HAPLN2: variants seen among roughly 807,000 people sequenced by gnomAD.
HAPLN2 encodes the protein hyaluronan and proteoglycan link protein 2.
A neutral mutation model predicts 29.3 loss-of-function variants in HAPLN2; 27 were observed. That is an observed-to-expected ratio of 0.92 (90% CI 0.68 to 1.27). The LOEUF is 1.27. HAPLN2 is among the 50% of genes most tolerant of loss of function. The pLI is 0.00. For synonymous variants in HAPLN2, 208 were observed against 211.7 expected (o/e 0.98, Z 0.15); for missense variants, 454 against 484.3 (o/e 0.94, Z 0.59).
At chr1:156,609,201 C>A in the HAPLN2 span, among the ~76,000 whole-genome samples, 1 of 152,220 alleles carries the variant, frequency 6.6e-6, no homozygotes, top group African/African-American at 2.4e-5. Context: ...ATGCACAGGA[C>A]CTGAGCCAGG....
rs1003041645 is a variant in HAPLN2, at chr1:156,625,265, T to C, written c.904T>C (p.Phe302Leu). Residue 302 changes from phenylalanine to leucine, a missense_variant, in exon 7 of 7, where the codon TTC becomes CTC. By Grantham distance (22) the Phe-to-Leu change is conservative (BLOSUM62 0). Around this residue, in one of 3 missense-constraint regions of HAPLN2, gnomAD observed 235 missense variants for 236.9 expected, o/e 0.99. Coordinates refer to ENST00000255039, the MANE Select transcript of HAPLN2 (RefSeq NM_021817.3). The surrounding 1 kb of genome is among the most constrained non-coding windows in gnomAD (Gnocchi z 5.7). ...GGWLADGSVR[F>L]PITTPRPRCG... ...CTGGCTGGCTGACGGCAGTGTGCGC[T>C]TCCCAATCACCACGCCGAGGCCGCG... 1.3e-6 allele frequency: 2 copies of C among 1,576,708 alleles called. No homozygotes were observed. Among genetic ancestry groups the C allele is most frequent in the Non-Finnish European group, 1.7e-6 (2 of 1,162,316 alleles).
At chr1:156,624,874 T>C in intron 6 of HAPLN2, 91 bp downstream of exon 6, 2 of 1,380,972 alleles carry the variant, frequency 1.4e-6, no homozygotes, top group Non-Finnish European at 1.9e-6. Flanking sequence ...CAGGGCAGGG[T>C]CTCCGGGTCC....
chr1:156,606,315 C>T, the HAPLN2 span, among the ~76,000 whole-genome samples: 3 of 151,322 alleles, frequency 2.0e-5, no homozygotes, highest in South Asian at 2.1e-4. Context: ...TGGCGGCCCA[C>T]GCCCATAGTC....
chr1:156,615,565 TC>T (rs1678035559), upstream of HAPLN2, among the ~76,000 whole-genome samples: 1 of 146,726 alleles, frequency 6.8e-6, no homozygotes, highest in East Asian at 2.0e-4. Context: ...TCACTCTCTC[TC>T]TCTCTCTTTT....
At chr1:156,622,510 G>A (rs1678267374) in intron 2 of HAPLN2, among the ~76,000 whole-genome samples, 1 of 152,010 alleles carries the variant, frequency 6.6e-6, no homozygotes, top group South Asian at 2.1e-4. Context: ...GTGGCAAACT[G>A]GGGGTGGGTA....
At chr1:156,617,599 T>G (rs1678091834), upstream of HAPLN2, among the ~76,000 whole-genome samples, 1 of 151,506 alleles carries the variant, frequency 6.6e-6, no homozygotes. Flanking sequence ...TCCGCCCACT[T>G]CGGCCTCCCA....
chr1:156,624,971 T>C, intron 6 of HAPLN2, 130 bp from the exon 7 acceptor site: 1 of 1,018,882 alleles, frequency 9.8e-7, no homozygotes, highest in Non-Finnish European at 1.3e-6. Flanking sequence ...TTTGCCTCGA[T>C]CCCCCAACTC....
At chr1:156,609,732 A>C in the HAPLN2 span, among the ~76,000 whole-genome samples, 1 of 152,168 alleles carries the variant, frequency 6.6e-6, no homozygotes, top group Non-Finnish European at 1.5e-5. Context: ...GACACAAATA[A>C]AGGAACAATA....
At position 156,625,366 on chromosome 1, in the gene HAPLN2, C is replaced by T. The variant is rs777700715; in HGVS notation, c.1005C>T (p.Tyr335=). ...PRPQQAAYGT[Y]CYAEN is the part of the protein sequence containing the mutation. ...CCCAACAGGCAGCCTATGGGACCTA[C>T]TGCTACGCCGAGAATTAGGCGCCCA... Residue 335 remains tyrosine, a synonymous_variant, in exon 7 of 7, where the codon TAC becomes TAT. Transcript: ENST00000255039. This position sits in a 1 kb window ranked among gnomAD's most constrained non-coding sequence, Gnocchi z 5.7. 8 of 1,595,196 alleles carry T rather than the reference C, an allele frequency of 5.0e-6. No homozygotes were observed. The African/African-American group carries it at 8.1e-5, about 16-fold the overall frequency.
chr1:156,602,909 C>T, the HAPLN2 span, among the ~76,000 whole-genome samples: 3 of 152,096 alleles, frequency 2.0e-5, no homozygotes, highest in African/African-American at 7.2e-5. Context: ...GTTGACTTAG[C>T]GCCCCCTAGA....
At chr1:156,611,073 G>C in the HAPLN2 span, among the ~76,000 whole-genome samples, 1 of 152,044 alleles carries the variant, frequency 6.6e-6, no homozygotes, top group African/African-American at 2.4e-5. Context: ...CTTGAGCCTA[G>C]GAGTTTGAGA....
At chr1:156,602,549 CAAAAAAA>C in the HAPLN2 span, among the ~76,000 whole-genome samples, 2 of 43,786 alleles carry the variant, frequency 4.6e-5, no homozygotes, top group Non-Finnish European at 4.3e-5. Flanking sequence ...CTAAAAATAC[CAAAAAAA>C]AAAAAAAAAA....
At chr1:156,621,391 C>A (rs999407643) in intron 2 of HAPLN2, among the ~76,000 whole-genome samples, 1 of 151,532 alleles carries the variant, frequency 6.6e-6, no homozygotes, top group Non-Finnish European at 1.5e-5. Flanking sequence ...GTGTGACCCA[C>A]TGTGCCTGGC....
chr1:156,607,694 G>A, the HAPLN2 span, among the ~76,000 whole-genome samples: 2 of 151,306 alleles, frequency 1.3e-5, no homozygotes, highest in South Asian at 4.2e-4. Flanking sequence ...TTCTATACTG[G>A]GTTTAAATCT....
the HAPLN2 span, chr1:156,601,547 C>A: frequency 7.7e-7 from 1 of 1,298,170 alleles, no homozygotes; most frequent in South Asian, 1.3e-5. Context: ...CACGGTTTTT[C>A]CAGGAGAAAC....
rs1394861764 is a variant in HAPLN2, at chr1:156,624,439, C to G, written c.528C>G (p.Arg176=). ...AGGCGTGCGAGGAGCAGGACGGACGCCTGGCCACCTACTCCCAGCTCTACC... is the reference window on the plus strand; with the variant it reads ...AGGCGTGCGAGGAGCAGGACGGACGGCTGGCCACCTACTCCCAGCTCTACC... ...AKQACEEQDG[R]LATYSQLYQA... is the part of the protein sequence containing the mutation. Residue 176 remains arginine, a synonymous_variant, in exon 5 of 7, where the codon CGC becomes CGG. Transcript: ENST00000255039. The G allele has an allele frequency of 1.1e-5, 18 of 1,612,440 alleles. No homozygotes were observed. Among genetic ancestry groups the G allele is most frequent in the Admixed American group, 1.7e-5 (1 of 59,872 alleles).
At chr1:156,605,751 A>G in the HAPLN2 span, among the ~76,000 whole-genome samples, 1 of 152,232 alleles carries the variant, frequency 6.6e-6, no homozygotes, top group Non-Finnish European at 1.5e-5. Context: ...CATATAGATC[A>G]ATGTAATGGA....
chr1:156,622,177 T>C (rs1384288667), intron 2 of HAPLN2, among the ~76,000 whole-genome samples: 2 of 152,048 alleles, frequency 1.3e-5, no homozygotes, highest in Admixed American at 1.3e-4. Flanking sequence ...TGGCTGGGTG[T>C]GGTGGCTCAT....
the HAPLN2 span, among the ~76,000 whole-genome samples, chr1:156,611,328 G>C: frequency 6.6e-6 from 1 of 151,504 alleles, no homozygotes; most frequent in Non-Finnish European, 1.5e-5. Context: ...ACTTTGGGAG[G>C]CCGAGGCAGG....
Sources: gnomAD v4.1 joint callset for allele counts (sites outside exome capture counted in the v4.1 genomes callset) on GRCh38, gnomAD v4.1.1 for gene constraint, gnomAD v4.1.1 regional missense constraint, Gnocchi (gnomAD v3.1) non-coding constraint, MANE v1.5 for transcripts, NCBI Gene and HGNC (gene_info 2026-07-23, HGNC 2026-07-21) for gene names.